The following PDCD6 variants were observed in gnomAD, a reference collection of about 807,000 sequenced individuals.
PDCD6 encodes programmed cell death 6, also known as programmed cell death protein 6.
PDCD6 carries 12 observed loss-of-function variants against 28.3 expected under a neutral mutation model. That is an observed-to-expected ratio of 0.42 (90% confidence interval 0.27 to 0.69). The LOEUF (loss-of-function observed/expected upper bound fraction) is 0.69. Among genes scored for constraint, PDCD6 ranks in the 30% least tolerant of loss-of-function variants. PDCD6 has a pLI of 0.22. For synonymous variants in PDCD6, 92 were observed against 108.0 expected (o/e 0.85, Z 0.92); for missense variants, 226 against 269.9 (o/e 0.84, Z 1.14).
At chr5:313,085 C>T (rs937762828) in intron 5 of PDCD6, among the ~76,000 whole-genome samples, 2 of 152,238 alleles carry the variant, frequency 1.3e-5, no homozygotes, top group Non-Finnish European at 2.9e-5. Context: ...CTCCTCAAGG[C>T]CCTGCTCCAG....
intron 3 of PDCD6, 124 bp from the exon 4 acceptor site, chr5:306,478 A>G: frequency 1.2e-6 from 1 of 811,054 alleles, no homozygotes; most frequent in Non-Finnish European, 2.1e-6. Context: ...TGCATTGCCC[A>G]GTCCCTGGTT....
chr5:272,011 C>T (rs1265790000), intron 1 of PDCD6, among the ~76,000 whole-genome samples, 190 bp downstream of exon 1: 2 of 151,632 alleles, frequency 1.3e-5, no homozygotes, highest in African/African-American at 2.4e-5. Flanking sequence ...GACGCGGCCG[C>T]CCCCGTCCCC....
intron 2 of PDCD6, among the ~76,000 whole-genome samples, chr5:278,901 G>T (rs962183593): frequency 1.3e-4 from 20 of 151,538 alleles, no homozygotes; most frequent in Non-Finnish European, 2.4e-4. Flanking sequence ...AGGGGCTAGG[G>T]ATGCAAGCTT....
At chr5:298,728 C>G (rs187476689) in intron 2 of PDCD6, among the ~76,000 whole-genome samples, 1 of 42,542 alleles carries the variant, frequency 2.4e-5, no homozygotes, top group Non-Finnish European at 7.5e-5. Flanking sequence ...CTGCTCCCAC[C>G]CAGCTGCTCC....
Position 311,345 on chromosome 5 carries a change from G to A in PDCD6, c.420G>A (p.Arg140=). The A allele has an allele frequency of 6.2e-7, 1 of 1,614,110 alleles. No individual in the cohort carries two copies. The highest frequency in any genetic ancestry group is 8.5e-7 in the Non-Finnish European group (1 of 1,179,990). The change falls in exon 5 of 6, where the codon AGG becomes AGA. Residue 140 remains arginine (R), a synonymous_variant. Transcript: ENST00000264933. Reference sequence around the variant, plus strand: ...ACATCCTCATTCGAAAGTTTGACAGGCAGGGACGGGGGCAGATTGCCTTCG... The same window carrying A: ...ACATCCTCATTCGAAAGTTTGACAGACAGGGACGGGGGCAGATTGCCTTCG... ...FHDILIRKFD[R]QGRGQIAFDD...
chr5:277,301 ATTTTTTTTTTTTT>A (rs74799424), intron 2 of PDCD6, among the ~76,000 whole-genome samples: 1 of 86,198 alleles, frequency 1.2e-5, no homozygotes, highest in African/African-American at 4.9e-5. Context: ...AATTTTTTGT[ATTTTTTTTTTTTT>A]TTTTTTTTTG....
chr5:286,657 G>A (rs1180149743), intron 2 of PDCD6, among the ~76,000 whole-genome samples: 2 of 151,070 alleles, frequency 1.3e-5, no homozygotes, highest in African/African-American at 4.9e-5. Flanking sequence ...GAGACTCGGG[G>A]AGGTACTGAT....
chr5:278,668 G>A (rs962322153), intron 2 of PDCD6, among the ~76,000 whole-genome samples: 11 of 151,334 alleles, frequency 7.3e-5, no homozygotes, highest in African/African-American at 2.4e-4. Context: ...AACCGAGATC[G>A]TGCCATTGCA....
intron 2 of PDCD6, among the ~76,000 whole-genome samples, chr5:301,174 G>A (rs972888881): frequency 6.6e-5 from 10 of 152,172 alleles, no homozygotes; most frequent in African/African-American, 2.2e-4. Context: ...CCAGGGCCAC[G>A]GACGCAGAAG....
intron 2 of PDCD6, among the ~76,000 whole-genome samples, chr5:299,619 A>T (rs111594818): frequency 1.3e-5 from 2 of 150,374 alleles, no homozygotes; most frequent in East Asian, 2.0e-4. Context: ...GTGCAATCTC[A>T]GCTCACTGCA....
In PDCD6 at chr5:311,375, C is replaced by G; in HGVS notation, c.450C>G (p.Asp150Glu). The change falls in exon 5 of 6, where the codon GAC becomes GAG. Residue 150 changes from aspartate (D) to glutamate (E), a missense_variant. Physicochemically the swap from Asp to Glu is conservative, Grantham distance 45. Coordinates refer to ENST00000264933, the MANE Select transcript of PDCD6 (RefSeq NM_013232.4). ...GACGGGGGCAGATTGCCTTCGACGA[C>G]TTCATCCAGGGCTGCATCGTCCTGC... ...RQGRGQIAFD[D>E]FIQGCIVLQR... 6.2e-7 allele frequency: 1 copy of G among 1,613,808 alleles called. No homozygotes were observed. Among genetic ancestry groups the G allele is most frequent in the Non-Finnish European group, 8.5e-7 (1 of 1,179,716 alleles).
intron 2 of PDCD6, among the ~76,000 whole-genome samples, chr5:302,245 G>A (rs1243337451): frequency 2.3e-5 from 3 of 132,384 alleles, no homozygotes; most frequent in Non-Finnish European, 3.2e-5. Flanking sequence ...TGCCTTTGTG[G>A]TAAGAGCACA....
At chr5:306,539 G>A (rs908450718) in intron 3 of PDCD6, 63 bp from the exon 4 acceptor site, 146 of 1,581,352 alleles carry the variant, frequency 9.2e-5, no homozygotes, top group Non-Finnish European at 1.2e-4. Flanking sequence ...GGTCTGGTGG[G>A]AAGCCTCAAG....
chr5:288,961 A>C (rs950520967), intron 2 of PDCD6: 2 of 1,446,472 alleles, frequency 1.4e-6, no homozygotes, highest in Non-Finnish European at 1.9e-6. Context: ...CGGCAGTCAG[A>C]AGAACCACTA....
intron 2 of PDCD6, among the ~76,000 whole-genome samples, chr5:295,743 C>T (rs546267075): frequency 8.8e-5 from 13 of 146,928 alleles, no homozygotes; most frequent in African/African-American, 2.0e-4. Flanking sequence ...TCCCTGTTCC[C>T]GGAATGCAGG....
rs929994581 is a variant in PDCD6, at chr5:311,226, G to C, written c.368-67G>C. On this transcript the variant is annotated intron_variant, in intron 4 of 5. Coordinates refer to ENST00000264933, the MANE Select transcript of PDCD6 (RefSeq NM_013232.4). Reference sequence around the variant, plus strand: ...AGAGGCTGTGGGCCTTGGGCAGGAGGGGTGAGTGTTGGCACATACCTCCCG... The same window carrying C: ...AGAGGCTGTGGGCCTTGGGCAGGAGCGGTGAGTGTTGGCACATACCTCCCG... The C allele has an allele frequency of 3.7e-5, 43 of 1,175,090 alleles. No individual in the cohort carries two copies. In the Admixed American group the frequency reaches 7.4e-4, roughly 20 times the overall value. The allele number at this position is 1,175,090 out of a possible 1,614,324, so 72.8% of individuals were successfully genotyped here.
At chr5:272,033 C>T (rs1737848752) in intron 1 of PDCD6, among the ~76,000 whole-genome samples, 1 of 151,942 alleles carries the variant, frequency 6.6e-6, no homozygotes, top group Admixed American at 6.6e-5. Context: ...GGCGGGTCCC[C>T]CGCGGTCTCC....
chr5:281,290 G>C (rs1253729379), intron 2 of PDCD6, among the ~76,000 whole-genome samples: 1 of 152,230 alleles, frequency 6.6e-6, no homozygotes, highest in Non-Finnish European at 1.5e-5. Context: ...GGAGGGTCTT[G>C]GGGCTGAAGA....
rs1739156148 is a variant in PDCD6 at position 288,956 on chromosome 5, G to A, written c.164-15221G>A. ...CTACTAATTCTTCTGTTTCACGGCA[G>A]TCAGAAGAACCACTACTTTCAGGGC... On this transcript the variant is annotated intron_variant, in intron 2 of 5. Transcript: ENST00000264933. 4.0e-6 allele frequency: 6 copies of A among 1,483,888 alleles called. No individual in the cohort carries two copies. The South Asian group carries it at 5.7e-5, about 14-fold the overall frequency. 91.9% of individuals were successfully genotyped at this position (1,483,888 alleles called of 1,614,324 possible). A position where few individuals can be genotyped will look rare whatever the true frequency, so the allele number is the denominator to read the frequency against.
Sources: gnomAD v4.1 joint callset for allele counts (sites outside exome capture counted in the v4.1 genomes callset) on GRCh38, gnomAD v4.1.1 for gene constraint, MANE v1.5 for transcripts, NCBI Gene and HGNC (gene_info 2026-07-23, HGNC 2026-07-21) for gene names.